Variants in HCN1 observed in about 807,000 individuals in gnomAD.
HCN1 encodes the protein potassium/sodium hyperpolarization-activated cyclic nucleotide-gated channel 1.
Under a neutral mutation model 78.9 loss-of-function variants are expected in HCN1, and 13 were observed. The ratio of observed to expected loss-of-function variants is 0.16; its 90% CI spans 0.11 to 0.26. The LOEUF is 0.26. Among genes scored for constraint, HCN1 ranks in the 10% least tolerant of loss-of-function variants. HCN1 has a pLI of 1.00. For missense variants in HCN1, 810 were observed against 1,154.3 expected (o/e 0.70, Z 4.32); for synonymous variants, 552 against 455.5 (o/e 1.21, Z -2.70).
In HCN1 at chr5:45,257,496, ATCT is replaced by A. The variant is rs1744640925; in HGVS notation, c.*4422_*4424del. On this transcript the variant is annotated 3_prime_UTR_variant, in exon 8 of 8. Coordinates refer to ENST00000303230, the MANE Select transcript of HCN1 (RefSeq NM_021072.4). Reference sequence around the variant, plus strand: ...ATTATCTGTAGGTTCTTTTAAGATCATCTTTAAATAATTTTCAAGGTGGGATGC... The same window carrying A: ...ATTATCTGTAGGTTCTTTTAAGATCATTAAATAATTTTCAAGGTGGGATGC... 6.6e-6 allele frequency: 1 copy of A among 152,182 alleles called. No individual in the cohort carries two copies. The highest frequency in any genetic ancestry group is 2.4e-5 in the African/African-American group (1 of 41,446). 9.4% of individuals were successfully genotyped at this position (152,182 alleles called of 1,614,324 possible).
intron 5 of HCN1, among the ~76,000 whole-genome samples, chr5:45,336,519 G>A (rs1746459502): frequency 6.6e-6 from 1 of 152,046 alleles, no homozygotes; most frequent in South Asian, 2.1e-4. Context: ...ACTGTTATCT[G>A]CCACTGTGAA....
intron 2 of HCN1, among the ~76,000 whole-genome samples, chr5:45,505,139 C>T (rs939463473): frequency 3.3e-5 from 5 of 152,126 alleles, no homozygotes; most frequent in Non-Finnish European, 7.4e-5. Context: ...GCTTTTGTTG[C>T]CATTGCTTTT....
intron 2 of HCN1, chr5:45,558,456 T>C (rs1743521499): frequency 6.6e-6 from 1 of 152,126 alleles, no homozygotes; most frequent in Non-Finnish European, 1.5e-5. Flanking sequence ...CTAAGATAAT[T>C]GATGAAGGTG....
intron 2 of HCN1, among the ~76,000 whole-genome samples, chr5:45,613,911 C>G (rs941478473): frequency 1.3e-5 from 2 of 152,142 alleles, no homozygotes; most frequent in African/African-American, 2.4e-5. Flanking sequence ...AGATAATCCG[C>G]AGTCTTATGA....
intron 4 of HCN1, among the ~76,000 whole-genome samples, chr5:45,383,292 A>G (rs1747845127): frequency 6.6e-6 from 1 of 152,194 alleles, no homozygotes; most frequent in Non-Finnish European, 1.5e-5. Flanking sequence ...TTTTATTGCT[A>G]CCACCTCCTC....
Position 45,472,354 on chromosome 5 carries a change from G to C in HCN1, c.850-10347C>G, listed in dbSNP as rs901508192. On this transcript the variant is annotated intron_variant, in intron 2 of 7. Transcript: ENST00000303230. Reference sequence around the variant, plus strand: ...GGGGCTTGCCCTTAACTCTGTAAAAGTGTTTAATGCATTGCTATAATTACA... The same window carrying C: ...GGGGCTTGCCCTTAACTCTGTAAAACTGTTTAATGCATTGCTATAATTACA... Among the ~76,000 whole-genome samples, 3 of 151,814 alleles carry C rather than the reference G, an allele frequency of 2.0e-5. No homozygotes were observed. The South Asian group carries it at 6.2e-4, about 31-fold the overall frequency.
chr5:45,536,691 C>A (rs1288205448), intron 2 of HCN1, among the ~76,000 whole-genome samples: 4 of 151,986 alleles, frequency 2.6e-5, no homozygotes, highest in East Asian at 1.9e-4. Context: ...TGCTTGTTTT[C>A]TTGAGTATAG....
intron 4 of HCN1, among the ~76,000 whole-genome samples, chr5:45,382,532 T>G (rs2096814329): frequency 6.6e-6 from 1 of 152,186 alleles, no homozygotes; most frequent in Non-Finnish European, 1.5e-5. Flanking sequence ...TACCTGCTTA[T>G]TTGCTTCTTT....
intron 2 of HCN1, among the ~76,000 whole-genome samples, chr5:45,538,683 T>C (rs1743022235): frequency 6.6e-6 from 1 of 152,094 alleles, no homozygotes; most frequent in Non-Finnish European, 1.5e-5. Context: ...CCAAATTGTA[T>C]AAAGAGGTCA....
intron 2 of HCN1, among the ~76,000 whole-genome samples, chr5:45,568,095 T>C (rs1743746189): frequency 6.6e-6 from 1 of 152,134 alleles, no homozygotes; most frequent in Admixed American, 6.6e-5. Flanking sequence ...TTTTGTTTTG[T>C]TTTTGTATTG....
chr5:45,510,168 G>T (rs1030357062), intron 2 of HCN1, among the ~76,000 whole-genome samples: 1 of 152,084 alleles, frequency 6.6e-6, no homozygotes, highest in Admixed American at 6.6e-5. Flanking sequence ...TTTGTAGGAG[G>T]TTCTCCAGAA....
intron 4 of HCN1, among the ~76,000 whole-genome samples, chr5:45,372,165 AT>A (rs1747402372): frequency 3.4e-5 from 2 of 59,124 alleles, no homozygotes; most frequent in Admixed American, 3.2e-4. Flanking sequence ...ATGTTATTAT[AT>A]ATAATTATAT....
chr5:45,478,247 G>A (rs1217599093), intron 2 of HCN1, among the ~76,000 whole-genome samples: 2 of 152,112 alleles, frequency 1.3e-5, no homozygotes, highest in Non-Finnish European at 2.9e-5. Context: ...TGTACATAGG[G>A]TGCTCAGGGT....
At chr5:45,690,165 T>C (rs1283024991) in intron 1 of HCN1, among the ~76,000 whole-genome samples, 1 of 152,116 alleles carries the variant, frequency 6.6e-6, no homozygotes, top group African/African-American at 2.4e-5. Flanking sequence ...TAACTTTGTA[T>C]GTATGTAAAA....
In HCN1 at chr5:45,418,838, A is replaced by C. The variant is rs117219193; in HGVS notation, c.1012-22128T>G. ...AGTTCTAATGCCTCTCTGTAAGAATATTTTATTTTAATTTGAAGATTTATA... is the reference window on the plus strand; with the variant it reads ...AGTTCTAATGCCTCTCTGTAAGAATCTTTTATTTTAATTTGAAGATTTATA... On this transcript the variant is annotated intron_variant, in intron 3 of 7. Coordinates refer to ENST00000303230, the MANE Select transcript of HCN1 (RefSeq NM_021072.4). Among the ~76,000 whole-genome samples the C allele has an allele frequency of 4.1e-3, 628 of 152,246 alleles. 26 individuals are homozygous for C. The East Asian group carries it at 0.11, about 27-fold the overall frequency.
intron 2 of HCN1, chr5:45,641,817 T>G (rs1467893026): frequency 6.6e-6 from 1 of 152,168 alleles, no homozygotes; most frequent in Non-Finnish European, 1.5e-5. Context: ...ACAAACTGAA[T>G]AATCTCCTAT....
At chr5:45,362,891 T>G (rs935000392) in intron 4 of HCN1, among the ~76,000 whole-genome samples, 11 of 151,824 alleles carry the variant, frequency 7.2e-5, no homozygotes, top group South Asian at 2.1e-4. Flanking sequence ...TCTTCTCTCC[T>G]TTCTCAACCA....
chr5:45,622,637 G>A (rs1745091487), intron 2 of HCN1, among the ~76,000 whole-genome samples: 1 of 151,590 alleles, frequency 6.6e-6, no homozygotes, highest in South Asian at 2.1e-4. Context: ...GCCAGGGAGG[G>A]GTTTCTTTGA....
At chr5:45,353,942 T>C (rs536647643) in intron 4 of HCN1, among the ~76,000 whole-genome samples, 10 of 151,938 alleles carry the variant, frequency 6.6e-5, no homozygotes, top group East Asian at 1.9e-4. Flanking sequence ...GGGGAGGGCA[T>C]TGCTTTTTTG....
Sources: gnomAD v4.1 joint callset for allele counts (sites outside exome capture counted in the v4.1 genomes callset) on GRCh38, gnomAD v4.1.1 for gene constraint, MANE v1.5 for transcripts, NCBI Gene and HGNC (gene_info 2026-07-23, HGNC 2026-07-21) for gene names.